Variants in TMEM177 observed in about 807,000 individuals in gnomAD.
TMEM177 encodes the protein transmembrane protein 177.
A neutral mutation model predicts 14.2 loss-of-function variants in TMEM177; 4 were observed. The observed-to-expected ratio is 0.28, with a 90% CI of 0.14 to 0.64. The LOEUF is 0.64. Ranked by LOEUF, TMEM177 falls within the 30% of genes least tolerant of loss-of-function variation. TMEM177 has a pLI of 0.82. For missense variants in TMEM177, 344 were observed against 405.2 expected (o/e 0.85, Z 1.30); for synonymous variants, 179 against 174.5 (o/e 1.03, Z -0.20).
At chr2:119,692,969 C>CAAA in the TMEM177 span, among the ~76,000 whole-genome samples, 5 of 52,194 alleles carry the variant, frequency 9.6e-5, no homozygotes, top group South Asian at 1.1e-3. Context: ...GAGATTGTCT[C>CAAA]AAAAAAAAAA....
chr2:119,712,420 G>T, the TMEM177 span, among the ~76,000 whole-genome samples: 1 of 152,080 alleles, frequency 6.6e-6, no homozygotes, highest in Non-Finnish European at 1.5e-5. Flanking sequence ...AGGCCTTTAA[G>T]GATGATTAAG....
chr2:119,718,211 A>G, the TMEM177 span, among the ~76,000 whole-genome samples: 1 of 152,200 alleles, frequency 6.6e-6, no homozygotes, highest in African/African-American at 2.4e-5. Flanking sequence ...CTGGCAAACC[A>G]TATACAAAGG....
the TMEM177 span, among the ~76,000 whole-genome samples, chr2:119,702,271 T>A: frequency 1.3e-5 from 2 of 152,194 alleles, no homozygotes; most frequent in South Asian, 4.1e-4. Context: ...TTTCTTTCAC[T>A]GTCATCATTT....
At chr2:119,719,917 C>A in the TMEM177 span, among the ~76,000 whole-genome samples, 1 of 152,088 alleles carries the variant, frequency 6.6e-6, no homozygotes, top group Non-Finnish European at 1.5e-5. Context: ...CCTTGGCCTC[C>A]CAAATAGCTG....
chr2:119,711,969 G>A, the TMEM177 span, among the ~76,000 whole-genome samples: 2 of 152,084 alleles, frequency 1.3e-5, no homozygotes, highest in African/African-American at 4.8e-5. Flanking sequence ...TTATGGGCTG[G>A]CAGCTCCGGC....
the TMEM177 span, among the ~76,000 whole-genome samples, chr2:119,709,688 A>G: frequency 1.2e-4 from 19 of 152,072 alleles, no homozygotes; most frequent in Non-Finnish European, 7.4e-5. Context: ...AGCCGGGTGT[A>G]GTGGTGGGCG....
chr2:119,715,009 G>C, the TMEM177 span, among the ~76,000 whole-genome samples: 3 of 152,172 alleles, frequency 2.0e-5, no homozygotes, highest in Admixed American at 6.5e-5. Context: ...CAAGTGCTAG[G>C]AACCAGGCAC....
chr2:119,713,929 T>C, the TMEM177 span, among the ~76,000 whole-genome samples: 1 of 152,216 alleles, frequency 6.6e-6, no homozygotes, highest in African/African-American at 2.4e-5. Flanking sequence ...ATCTCCATTT[T>C]CTATGGACTG....
chr2:119,721,226 T>C, the TMEM177 span, among the ~76,000 whole-genome samples: 1 of 152,206 alleles, frequency 6.6e-6, no homozygotes, highest in African/African-American at 2.4e-5. Context: ...GAAGGACAGC[T>C]GGAGATTGAG....
chr2:119,716,626 A>G, the TMEM177 span, among the ~76,000 whole-genome samples: 2 of 152,194 alleles, frequency 1.3e-5, no homozygotes, highest in Non-Finnish European at 2.9e-5. Flanking sequence ...AAAGGAAGGG[A>G]GAACCTTGGA....
chr2:119,700,508 A>T, the TMEM177 span, among the ~76,000 whole-genome samples: 1 of 152,164 alleles, frequency 6.6e-6, no homozygotes, highest in East Asian at 1.9e-4. Context: ...TTCTCCTTTA[A>T]TCCTCACAAC....
the TMEM177 span, among the ~76,000 whole-genome samples, chr2:119,708,334 C>T: frequency 7.9e-5 from 12 of 152,134 alleles, no homozygotes; most frequent in African/African-American, 2.7e-4. Context: ...TCTCAGGCAT[C>T]ATAATGTTGC....
chr2:119,698,349 CTT>C, the TMEM177 span, among the ~76,000 whole-genome samples: 128 of 152,318 alleles, frequency 8.4e-4, no homozygotes, highest in African/African-American at 3.0e-3. Flanking sequence ...GCTAGAAAGT[CTT>C]TGGTTCTGAG....
downstream of TMEM177, among the ~76,000 whole-genome samples, chr2:119,685,221 C>G (rs1252410038): frequency 7.5e-5 from 10 of 134,152 alleles, 1 homozygote; most frequent in African/African-American, 1.4e-4. Context: ...CGCCCCCCCC[C>G]CCCTTTGCAG....
chr2:119,692,176 G>T, the TMEM177 span, among the ~76,000 whole-genome samples: 1 of 152,238 alleles, frequency 6.6e-6, no homozygotes, highest in Admixed American at 6.5e-5. Flanking sequence ...CAGCCAAATG[G>T]GTGTCAGAAG....
the TMEM177 span, among the ~76,000 whole-genome samples, chr2:119,702,057 C>T: frequency 6.6e-6 from 1 of 152,202 alleles, no homozygotes; most frequent in Admixed American, 6.5e-5. Flanking sequence ...GAGCCGGAGG[C>T]TGCATGACCC....
chr2:119,717,353 AAAAAG>A, the TMEM177 span, among the ~76,000 whole-genome samples: 1 of 151,992 alleles, frequency 6.6e-6, no homozygotes, highest in Admixed American at 6.5e-5. Context: ...GAAAAAGAAA[AAAAAG>A]AAAAGGAAAG....
chr2:119,684,112 G>A (rs1441082893), downstream of TMEM177, among the ~76,000 whole-genome samples: 2 of 152,098 alleles, frequency 1.3e-5, no homozygotes, highest in Non-Finnish European at 2.9e-5. Flanking sequence ...GCTTTCTGGC[G>A]AAAACCGCAT....
At chr2:119,688,272 A>T (rs1038572458), downstream of TMEM177, among the ~76,000 whole-genome samples, 7 of 152,210 alleles carry the variant, frequency 4.6e-5, no homozygotes, top group African/African-American at 1.7e-4. Context: ...AATGTAAAGT[A>T]GTTGTGTTAT....
Sources: gnomAD v4.1 joint callset for allele counts (sites outside exome capture counted in the v4.1 genomes callset) on GRCh38, gnomAD v4.1.1 for gene constraint, MANE v1.5 for transcripts, NCBI Gene and HGNC (gene_info 2026-07-23, HGNC 2026-07-21) for gene names.